PPFIBP2: variants seen among roughly 807,000 people sequenced by gnomAD.
PPFIBP2 encodes liprin-beta-2.
A neutral mutation model predicts 118.3 loss-of-function variants in PPFIBP2; 118 were observed. The observed-to-expected ratio is 1.00, with a 90% CI of 0.86 to 1.16. The LOEUF (loss-of-function observed/expected upper bound fraction) is 1.16. Ranked by LOEUF, PPFIBP2 falls within the 50% of genes most tolerant of loss-of-function variation. PPFIBP2 has a pLI of 0.00. For synonymous variants in PPFIBP2, 414 were observed against 397.4 expected (o/e 1.04, Z -0.50); for missense variants, 1,195 against 1,073.1 (o/e 1.11, Z -1.59).
In PPFIBP2 at chr11:7,650,830, C is replaced by T. The variant is rs988893016; in HGVS notation, c.2122-10C>T. On this transcript the variant is annotated splice_polypyrimidine_tract_variant and intron_variant, in intron 21 of 23. Transcript: ENST00000299492. The stretch of plus-strand genomic sequence containing the variant: ...GCCTAACTTCCTCACTCTCCTTCTC[C>T]CTCTGACAGAGTAACCTTTCTCCTT... 4 of 1,613,158 alleles carry T rather than the reference C, an allele frequency of 2.5e-6. No homozygotes were observed. Among genetic ancestry groups the T allele is most frequent in the Admixed American group, 3.3e-5 (2 of 59,976 alleles).
At chr11:7,567,460 G>C (rs1855130990) in intron 3 of PPFIBP2, among the ~76,000 whole-genome samples, 1 of 152,212 alleles carries the variant, frequency 6.6e-6, no homozygotes, top group African/African-American at 2.4e-5. Flanking sequence ...CCTTTGAAGA[G>C]ATTTCCCTAA....
At chr11:7,540,513 T>TAG (rs1851669696) in intron 1 of PPFIBP2, among the ~76,000 whole-genome samples, 2 of 152,056 alleles carry the variant, frequency 1.3e-5, no homozygotes, top group African/African-American at 4.8e-5. Context: ...TGTGAGAATA[T>TAG]AGAGAGGGAG....
chr11:7,607,672 C>A (rs1847560161), intron 5 of PPFIBP2, among the ~76,000 whole-genome samples: 3 of 151,672 alleles, frequency 2.0e-5, no homozygotes, highest in Admixed American at 6.6e-5. Context: ...CCTGAGATCT[C>A]AGTAGTCTGA....
intron 6 of PPFIBP2, among the ~76,000 whole-genome samples, chr11:7,611,182 A>G (rs575108420): frequency 6.6e-6 from 1 of 152,354 alleles, no homozygotes; most frequent in Admixed American, 6.5e-5. Context: ...ACTGCTTAAT[A>G]GTTCTATGAA....
chr11:7,545,505 T>C (rs78994253), intron 1 of PPFIBP2, among the ~76,000 whole-genome samples: 24 of 152,304 alleles, frequency 1.6e-4, no homozygotes, highest in African/African-American at 5.5e-4. Context: ...AATTGTTCTA[T>C]GTTATTACTA....
At chr11:7,622,577 A>G (rs1005090222) in intron 7 of PPFIBP2, among the ~76,000 whole-genome samples, 5 of 152,272 alleles carry the variant, frequency 3.3e-5, no homozygotes, top group Non-Finnish European at 5.9e-5. Flanking sequence ...GTGTATAAAT[A>G]TAAAATCATT....
chr11:7,520,856 C>T (rs1217913406), intron 1 of PPFIBP2, among the ~76,000 whole-genome samples: 1 of 152,182 alleles, frequency 6.6e-6, no homozygotes, highest in African/African-American at 2.4e-5. Context: ...TCTCTGTCTT[C>T]ATGGAATCTA....
At chr11:7,652,582 G>A (rs554870508) in intron 23 of PPFIBP2, among the ~76,000 whole-genome samples, 10 of 152,334 alleles carry the variant, frequency 6.6e-5, no homozygotes, top group East Asian at 1.9e-4. Context: ...GCTGGATGAC[G>A]CTAGGGCAGG....
intron 5 of PPFIBP2, among the ~76,000 whole-genome samples, chr11:7,604,651 T>G (rs34549114): frequency 0.17 from 26,284 of 152,050 alleles, 3,544 homozygotes; most frequent in African/African-American, 0.38. Flanking sequence ...GTTGACGGTG[T>G]TAGCTTTGAG....
At chr11:7,606,555 GTTA>G (rs1847364931) in intron 5 of PPFIBP2, among the ~76,000 whole-genome samples, 1 of 151,996 alleles carries the variant, frequency 6.6e-6, no homozygotes, top group Admixed American at 6.6e-5. Context: ...TAAATGTTCT[GTTA>G]TTAGTGAACT....
At chr11:7,635,692 A>G (rs1303131875) in intron 14 of PPFIBP2, 99 bp downstream of exon 14, 2 of 1,338,132 alleles carry the variant, frequency 1.5e-6, no homozygotes, top group Admixed American at 3.5e-5. Flanking sequence ...AAATGTGCCA[A>G]CTGTAAGGAG....
In PPFIBP2 at chr11:7,632,868, T is replaced by G; in HGVS notation, c.1070T>G (p.Met357Arg). 1 of 1,613,170 alleles carries G rather than the reference T, an allele frequency of 6.2e-7. No individual in the cohort carries two copies. The highest frequency in any genetic ancestry group is 8.5e-7 in the Non-Finnish European group (1 of 1,179,156). Reference protein sequence around the residue: ...KDPEELFKQEMPPRCSSPTVG... With the variant: ...KDPEELFKQERPPRCSSPTVG... ...GTGACTCTTCTGTCTCTGGTGCAGA[T>G]GCCTCCAAGATGTAGCTCTCCTACA... Residue 357 changes from methionine (M) to arginine (R), a missense_variant and splice_region_variant, in exon 12 of 24, where the codon ATG (methionine) becomes AGG (arginine). Transcript: ENST00000299492.
intron 1 of PPFIBP2, among the ~76,000 whole-genome samples, chr11:7,541,604 C>T (rs1332643988): frequency 6.6e-6 from 1 of 152,138 alleles, no homozygotes; most frequent in African/African-American, 2.4e-5. Flanking sequence ...CCTGGGGCTT[C>T]CTCTGTTTTT....
chr11:7,533,142 C>T (rs1388558730), intron 1 of PPFIBP2, among the ~76,000 whole-genome samples: 2 of 151,916 alleles, frequency 1.3e-5, no homozygotes. Flanking sequence ...ATTGGTCCTT[C>T]AGGAATACAA....
At chr11:7,640,097 GT>G (rs1851963956) in intron 15 of PPFIBP2, among the ~76,000 whole-genome samples, 6 of 152,154 alleles carry the variant, frequency 3.9e-5, no homozygotes, top group Non-Finnish European at 1.5e-5. Context: ...CAGGGTGTGT[GT>G]ATCCCCTACT....
intron 5 of PPFIBP2, among the ~76,000 whole-genome samples, chr11:7,606,886 A>ATTTTTTTTTTTTTTTTGTTTTTTTTTTT (rs1847410615): frequency 1.9e-5 from 1 of 51,352 alleles, no homozygotes; most frequent in Non-Finnish European, 3.7e-5. Flanking sequence ...AACTGCATGA[A>ATTTTTTTTTTTTTTTTGTTTTTTTTTTT]TTTTTTTTTT....
intron 1 of PPFIBP2, among the ~76,000 whole-genome samples, chr11:7,547,265 G>C (rs1161402157): frequency 1.3e-5 from 2 of 152,190 alleles, no homozygotes; most frequent in Non-Finnish European, 2.9e-5. Flanking sequence ...GTGAGCTCAG[G>C]GTAGGGGGAT....
At chr11:7,630,825 C>A in intron 10 of PPFIBP2, 100 bp from the exon 11 acceptor site, 1 of 865,606 alleles carries the variant, frequency 1.2e-6, no homozygotes, top group Non-Finnish European at 1.9e-6. Context: ...TTTCTTAGTC[C>A]TTCTTAATGA....
chr11:7,665,364 C>G, the PPFIBP2 span: 39 of 1,438,834 alleles, frequency 2.7e-5, no homozygotes, highest in Non-Finnish European at 3.6e-5. Context: ...TTGCTGAGCA[C>G]GTGGAGGTGT....
Sources: allele counts gnomAD v4.1 joint callset (sites outside exome capture counted in the v4.1 genomes callset), GRCh38; gene constraint gnomAD v4.1.1; transcripts MANE v1.5; gene names NCBI Gene and HGNC (gene_info 2026-07-23, HGNC 2026-07-21).